Variants in PKP2 observed in about 807,000 individuals in gnomAD.
PKP2 encodes plakophilin 2.
In PKP2, 73 loss-of-function variants were observed where a neutral mutation model predicts 83.4. That is an observed-to-expected ratio of 0.88 (90% CI 0.72 to 1.06). The LOEUF (loss-of-function observed/expected upper bound fraction) is 1.06, where lower values mean the gene tolerates loss of function less well. Ranked by LOEUF, PKP2 falls within the 50% of genes least tolerant of loss-of-function variation. PKP2 has a pLI of 0.00. For missense variants in PKP2, 966 were observed against 1,065.4 expected, an observed-to-expected ratio of 0.91 and a Z score of 1.30; for synonymous variants, 409 against 430.4, an observed-to-expected ratio of 0.95 and a Z score of 0.62.
intron 9 of PKP2, among the ~76,000 whole-genome samples, chr12:32,802,796 T>C (rs1366203164): frequency 6.6e-6 from 1 of 151,940 alleles, no homozygotes; most frequent in African/African-American, 2.4e-5. Flanking sequence ...CTAGCTGGGA[T>C]TACAGGTGTG....
Position 32,796,075 on chromosome 12 carries a change from G to A in PKP2, c.2357+34C>T, listed in dbSNP as rs777940850. The stretch of plus-strand genomic sequence containing the variant: ...TACACACAGGCTGGTGAGGGGAAAG[G>A]GAGGCAGCTGACGGGCAGAACTGAA... On this transcript the variant is annotated intron_variant, in intron 11 of 12. Transcript: ENST00000340811. 5.1e-6 allele frequency: 8 copies of A among 1,568,082 alleles called. No individual in the cohort carries two copies. The African/African-American group carries it at 9.7e-5, about 19-fold the overall frequency.
chr12:32,877,908 C>CGCCTG lies in PKP2; in HGVS notation c.967_971dup (p.Ala325ArgfsTer29). On this transcript the variant is annotated frameshift_variant, in exon 3 of 13. Transcript: ENST00000340811. LOFTEE classifies it high-confidence loss of function. Reference sequence around the variant, plus strand: ...GCAGATTCCCACTTCCCCCTGCGGCCGCCTGGCCGACAGTCAAGTGCGCTC... The same window carrying CGCCTG: ...GCAGATTCCCACTTCCCCCTGCGGCCGCCTGGCCTGGCCGACAGTCAAGTGCGCTC... 1 of 1,614,166 alleles carries CGCCTG rather than the reference C, an allele frequency of 6.2e-7. No individual in the cohort carries two copies. Among genetic ancestry groups the CGCCTG allele is most frequent in the Non-Finnish European group, 8.5e-7 (1 of 1,180,008 alleles).
At chr12:32,880,809 C>T (rs150385554) in intron 1 of PKP2, among the ~76,000 whole-genome samples, 29 of 151,688 alleles carry the variant, frequency 1.9e-4, no homozygotes, top group African/African-American at 7.0e-4. Context: ...TCTCTTACTG[C>T]CTTAAAAAAA....
intron 9 of PKP2, among the ~76,000 whole-genome samples, chr12:32,810,438 C>T (rs1956266603): frequency 6.6e-6 from 1 of 152,088 alleles, no homozygotes; most frequent in Non-Finnish European, 1.5e-5. Context: ...TAGTTGTAGG[C>T]CAGAGTTGTG....
At chr12:32,872,490 T>C (rs1274983774) in intron 3 of PKP2, among the ~76,000 whole-genome samples, 1 of 152,044 alleles carries the variant, frequency 6.6e-6, no homozygotes. Flanking sequence ...GCCGAGATCG[T>C]GCCATTGCAC....
chr12:32,828,269 T>TA (rs1219980515), intron 6 of PKP2, among the ~76,000 whole-genome samples: 3 of 152,198 alleles, frequency 2.0e-5, no homozygotes, highest in Non-Finnish European at 1.5e-5. Flanking sequence ...TCACTCCCTC[T>TA]AGGACCTCTT....
intron 3 of PKP2, among the ~76,000 whole-genome samples, chr12:32,871,238 T>C (rs971061138): frequency 6.6e-6 from 1 of 152,100 alleles, no homozygotes; most frequent in South Asian, 2.1e-4. Flanking sequence ...AGGAAGCTTA[T>C]CATACTACCT....
chr12:32,845,598 A>G (rs965368581), intron 5 of PKP2, among the ~76,000 whole-genome samples: 1 of 152,170 alleles, frequency 6.6e-6, no homozygotes, highest in African/African-American at 2.4e-5. Flanking sequence ...GACCTCTAGG[A>G]CAGAAAATAT....
intron 3 of PKP2, 35 bp from the exon 4 acceptor site, chr12:32,869,097 A>G: frequency 6.2e-7 from 1 of 1,612,574 alleles, no homozygotes; most frequent in Non-Finnish European, 8.5e-7. Flanking sequence ...CCAGATTCCA[A>G]ACCTCCCTCC....
At chr12:32,798,166 C>A (rs10844354) in intron 10 of PKP2, among the ~76,000 whole-genome samples, 29,358 of 146,104 alleles carry the variant, frequency 0.2, 3,543 homozygotes, top group East Asian at 0.56. Flanking sequence ...CTCACTGCAA[C>A]CTCCGCCTCC....
Position 32,850,932 on chromosome 12 carries a change from T to C in PKP2, c.1212A>G (p.Leu404=), listed in dbSNP as rs1592750669. 3 of 1,614,154 alleles carry C rather than the reference T, an allele frequency of 1.9e-6. No homozygotes were observed. Among genetic ancestry groups the C allele is most frequent in the Non-Finnish European group, 1.7e-6 (2 of 1,180,024 alleles). The change falls in exon 5 of 13, where the codon CTA becomes CTG. Residue 404 remains leucine (L), a synonymous_variant. Coordinates refer to ENST00000340811, the MANE Select transcript of PKP2 (RefSeq NM_001005242.3). ...LRGILKLLQL[L]KVQNEDVQRA... is the part of the protein sequence containing the mutation. The stretch of plus-strand genomic sequence containing the variant: ...GCTGAACGTCTTCATTCTGAACTTT[T>C]AGGAGCTGCAGAAGCTTGAGGATGC...
chr12:32,825,551 T>G (rs1421406051), intron 6 of PKP2, among the ~76,000 whole-genome samples: 3 of 152,216 alleles, frequency 2.0e-5, no homozygotes, highest in Non-Finnish European at 4.4e-5. Context: ...AGTGTCATTC[T>G]GAACATCAAA....
At chr12:32,891,375 A>G (rs1322594859) in intron 1 of PKP2, among the ~76,000 whole-genome samples, 1 of 152,232 alleles carries the variant, frequency 6.6e-6, no homozygotes, top group Non-Finnish European at 1.5e-5. Flanking sequence ...TGCCAATAAT[A>G]TGCTTGTTCT....
At chr12:32,846,191 G>T (rs76773760) in intron 5 of PKP2, among the ~76,000 whole-genome samples, 1 of 152,016 alleles carries the variant, frequency 6.6e-6, no homozygotes, top group Admixed American at 6.6e-5. Context: ...TTAATCCAAG[G>T]CATATCCCTG....
chr12:32,856,348 G>A (rs892041780), intron 4 of PKP2, among the ~76,000 whole-genome samples: 4 of 152,218 alleles, frequency 2.6e-5, no homozygotes, highest in East Asian at 3.8e-4. Flanking sequence ...AATGGAGACA[G>A]GGATGTTAAT....
At chr12:32,862,206 G>A (rs192332082) in intron 4 of PKP2, among the ~76,000 whole-genome samples, 3 of 152,226 alleles carry the variant, frequency 2.0e-5, no homozygotes, top group East Asian at 1.9e-4. Flanking sequence ...CCAACTTTCA[G>A]TACTAATATT....
intron 10 of PKP2, among the ~76,000 whole-genome samples, chr12:32,798,096 T>TTTC (rs1956145802): frequency 6.7e-6 from 1 of 149,116 alleles, no homozygotes; most frequent in Non-Finnish European, 1.5e-5. Context: ...TTTTTTTTTT[T>TTTC]TTTTGGAGAT....
Position 32,841,030 on chromosome 12 carries a change from T to C in PKP2, c.1554A>G (p.Leu518=), listed in dbSNP as rs758301296. 2 of 1,612,532 alleles carry C rather than the reference T, an allele frequency of 1.2e-6. No homozygotes were observed. Among genetic ancestry groups the C allele is most frequent in the Admixed American group, 3.3e-5 (2 of 60,018 alleles). The change falls in exon 6 of 13, where the codon CTA becomes CTG. Residue 518 remains leucine, a splice_region_variant and synonymous_variant. Transcript: ENST00000340811. ...GGGCAGGGTACAGGTAGCATTACCT[T>C]AGGCATCCAGTGACGTTGTAGAATA... ...FDIFYNVTGC[L]RNMSSAGADG...
chr12:32,840,105 T>C (rs1384117926), intron 6 of PKP2, among the ~76,000 whole-genome samples: 8 of 152,158 alleles, frequency 5.3e-5, no homozygotes, highest in Non-Finnish European at 7.4e-5. Flanking sequence ...TAAAACTAGA[T>C]TGCTGGGCCC....
Sources: allele counts gnomAD v4.1 joint callset (sites outside exome capture counted in the v4.1 genomes callset), GRCh38; gene constraint gnomAD v4.1.1; transcripts MANE v1.5; gene names NCBI Gene and HGNC (gene_info 2026-07-23, HGNC 2026-07-21).